The following CDH23 variants were observed in gnomAD, a reference collection of about 807,000 sequenced individuals.
The protein encoded by CDH23 is cadherin-23.
CDH23 carries 189 observed loss-of-function variants against 317.1 expected under a neutral mutation model. The observed-to-expected ratio is 0.60, with a 90% CI of 0.53 to 0.67. The LOEUF (loss-of-function observed/expected upper bound fraction) is 0.67, where lower values mean the gene tolerates loss of function less well. Among genes scored for constraint, CDH23 ranks in the 30% least tolerant of loss-of-function variants. The pLI is 0.00. For missense variants in CDH23, 4,401 were observed against 4,592.4 expected, an observed-to-expected ratio of 0.96 and a Z score of 1.20; for synonymous variants, 1,839 against 1,876.8, an observed-to-expected ratio of 0.98 and a Z score of 0.52.
At position 71,687,253 on chromosome 10, in the gene CDH23, G is replaced by A. The variant is rs188262530; in HGVS notation, c.1987-394G>A. ...TTTGTCATCATCCTGGTGGACCTAC[G>A]CAGGGGTCCAAGTGGGCATCCCCAG... On this transcript the variant is annotated intron_variant, in intron 18 of 69. Coordinates refer to ENST00000224721, the MANE Select transcript of CDH23 (RefSeq NM_022124.6). Among the ~76,000 whole-genome samples, 417 of 152,314 alleles carry A rather than the reference G, an allele frequency of 2.7e-3. 1 individual carries two copies. The highest frequency in any genetic ancestry group is 4.5e-3 in the Non-Finnish European group (304 of 68,012).
chr10:71,606,402 G>A (rs1035337155), intron 9 of CDH23, among the ~76,000 whole-genome samples: 4 of 152,174 alleles, frequency 2.6e-5, no homozygotes, highest in Non-Finnish European at 5.9e-5. Context: ...TTACTAATTG[G>A]CTGATCCCTC....
chr10:71,703,068 GC>G (rs1348775432), intron 24 of CDH23, among the ~76,000 whole-genome samples: 3 of 152,152 alleles, frequency 2.0e-5, no homozygotes, highest in African/African-American at 7.2e-5. Context: ...CTTCTCATAA[GC>G]CCCGGATCAG....
At chr10:71,615,320 G>C (rs1861119591) in intron 9 of CDH23, among the ~76,000 whole-genome samples, 184 bp from the exon 10 acceptor site, 2 of 152,208 alleles carry the variant, frequency 1.3e-5, no homozygotes, top group Admixed American at 6.5e-5. Flanking sequence ...GTTGCTGTCT[G>C]CCGGCTGCTC....
chr10:71,529,676 G>C (rs1018619794), intron 6 of CDH23, among the ~76,000 whole-genome samples: 1 of 152,132 alleles, frequency 6.6e-6, no homozygotes, highest in Non-Finnish European at 1.5e-5. Flanking sequence ...AAATCAAGGA[G>C]AAGGGAAACT....
chr10:71,689,076 G>GT (rs1865065246), intron 19 of CDH23, among the ~76,000 whole-genome samples: 1 of 138,226 alleles, frequency 7.2e-6, no homozygotes, highest in Non-Finnish European at 1.6e-5. Flanking sequence ...GGGTGGTGGA[G>GT]CCAGGGGTGG....
At chr10:71,564,853 G>A (rs909870306) in intron 6 of CDH23, among the ~76,000 whole-genome samples, 6 of 152,128 alleles carry the variant, frequency 3.9e-5, no homozygotes, top group South Asian at 2.1e-4. Flanking sequence ...TTTGATTACC[G>A]AATCAAATAA....
intron 1 of CDH23, among the ~76,000 whole-genome samples, chr10:71,403,416 C>CT (rs1564558263): frequency 3.8e-4 from 20 of 52,702 alleles, no homozygotes; most frequent in Admixed American, 1.0e-3. Context: ...TCTCTTCCTT[C>CT]CTTCCTTCCT....
At chr10:71,537,653 T>C (rs1046976294) in intron 6 of CDH23, among the ~76,000 whole-genome samples, 1 of 152,318 alleles carries the variant, frequency 6.6e-6, no homozygotes, top group South Asian at 2.1e-4. Context: ...TCCTCCTGCC[T>C]GTCCCATCAG....
At chr10:71,723,427 A>G (rs1038388992) in intron 28 of CDH23, among the ~76,000 whole-genome samples, 2 of 152,126 alleles carry the variant, frequency 1.3e-5, no homozygotes, top group African/African-American at 4.8e-5. Flanking sequence ...ACACAAGCCC[A>G]CCAGAGGAAA....
At chr10:71,522,803 A>G (rs1854774101) in intron 6 of CDH23, among the ~76,000 whole-genome samples, 1 of 152,114 alleles carries the variant, frequency 6.6e-6, no homozygotes, top group African/African-American at 2.4e-5. Flanking sequence ...AAAAAGTTGG[A>G]TAGAGAGGAA....
rs1389467095 is a variant in CDH23 at position 71,716,847 on chromosome 10, AT to A, written c.3369+4038del. ...TGTTTTTATCAATGTAATTATGAAT[AT>A]TTTCAAAATAATAACAGATTTCACA... On this transcript the variant is annotated intron_variant, in intron 28 of 69. Coordinates refer to ENST00000224721, the MANE Select transcript of CDH23 (RefSeq NM_022124.6). The A allele has an allele frequency of 3.3e-5, 5 of 153,434 alleles. No individual in the cohort carries two copies. The East Asian group carries it at 9.6e-4, about 29-fold the overall frequency. 9.5% of individuals were successfully genotyped at this position (153,434 alleles called of 1,614,324 possible).
At chr10:71,717,801 G>A (rs1407422669) in intron 28 of CDH23, 1 of 152,242 alleles carries the variant, frequency 6.6e-6, no homozygotes, top group Non-Finnish European at 1.5e-5. Flanking sequence ...AAACATTCTA[G>A]ACGTTTAAAT....
At chr10:71,497,794 A>G (rs1337255899) in intron 3 of CDH23, among the ~76,000 whole-genome samples, 1 of 152,168 alleles carries the variant, frequency 6.6e-6, no homozygotes, top group Non-Finnish European at 1.5e-5. Context: ...CTAGCTGTTG[A>G]GCTGGTTGAC....
intron 9 of CDH23, among the ~76,000 whole-genome samples, chr10:71,589,149 TCA>T (rs1176067466): frequency 2.6e-5 from 4 of 151,950 alleles, no homozygotes; most frequent in Non-Finnish European, 5.9e-5. Context: ...TGAGACAGTC[TCA>T]CTCTGTCACT....
intron 28 of CDH23, among the ~76,000 whole-genome samples, chr10:71,720,343 G>C (rs1435086992): frequency 6.6e-6 from 1 of 151,976 alleles, no homozygotes; most frequent in Non-Finnish European, 1.5e-5. Flanking sequence ...GAAAGCATAG[G>C]ACTGACGGAC....
chr10:71,747,307 C>G (rs1487601527), intron 38 of CDH23, among the ~76,000 whole-genome samples: 1 of 152,204 alleles, frequency 6.6e-6, no homozygotes, highest in African/African-American at 2.4e-5. Context: ...GTGGCAGGAG[C>G]TGATATGGAA....
chr10:71,630,174 A>C (rs549868750), intron 11 of CDH23, among the ~76,000 whole-genome samples: 1 of 152,150 alleles, frequency 6.6e-6, no homozygotes, highest in South Asian at 2.1e-4. Flanking sequence ...GGCACATGCC[A>C]CTGTGCCTAG....
At chr10:71,471,585 G>C (rs16928914) in intron 3 of CDH23, among the ~76,000 whole-genome samples, 1 of 151,624 alleles carries the variant, frequency 6.6e-6, no homozygotes, top group Non-Finnish European at 1.5e-5. Flanking sequence ...CTCCAGTTGC[G>C]TGGACCCAGC....
Position 71,497,449 on chromosome 10 carries a change from T to C in CDH23, c.146-12633T>C, listed in dbSNP as rs568103930. 1.1e-3 allele frequency among the ~76,000 whole-genome samples: 170 copies of C among 152,180 alleles called. 1 individual carries two copies. Among genetic ancestry groups the C allele is most frequent in the Middle Eastern group, 0.01 (3 of 294 alleles). The stretch of plus-strand genomic sequence containing the variant: ...GGATTCAGGAAGGTCAAACAGAACA[T>C]TCCAGGGCCCCTTTATTCATGGCTG... On this transcript the variant is annotated intron_variant, in intron 3 of 69. Coordinates refer to ENST00000224721, the MANE Select transcript of CDH23 (RefSeq NM_022124.6).
Sources: allele counts gnomAD v4.1 joint callset (sites outside exome capture counted in the v4.1 genomes callset), GRCh38; gene constraint gnomAD v4.1.1; transcripts MANE v1.5; gene names NCBI Gene and HGNC (gene_info 2026-07-23, HGNC 2026-07-21).